NPLOC4: variants seen among roughly 807,000 people sequenced by gnomAD.
NPLOC4 encodes the protein NPL4 homolog, ubiquitin recognition factor.
NPLOC4 carries 18 observed loss-of-function variants against 80.6 expected under a neutral mutation model. The observed-to-expected ratio is 0.22, with a 90% CI of 0.15 to 0.33. The LOEUF is 0.33. Among genes scored for constraint, NPLOC4 ranks in the 10% least tolerant of loss-of-function variants. The pLI, the probability that NPLOC4 is intolerant of heterozygous loss-of-function variation, is 1.00. For synonymous variants in NPLOC4, 313 were observed against 301.5 expected (o/e 1.04, Z -0.39); for missense variants, 540 against 786.1 (o/e 0.69, Z 3.74).
In NPLOC4 at chr17:81,608,755, A is replaced by T; in HGVS notation, c.503T>A (p.Ile168Asn). 6.3e-7 allele frequency: 1 copy of T among 1,592,954 alleles called. No individual in the cohort carries two copies. Among genetic ancestry groups the T allele is most frequent in the Non-Finnish European group, 8.6e-7 (1 of 1,169,404 alleles). ...GTCAGCCCCTCCAGTCAGCTTCCGGATGTAGGCGTGGAAGGACATGTGCTT... is the reference window on the plus strand; with the variant it reads ...GTCAGCCCCTCCAGTCAGCTTCCGGTTGTAGGCGTGGAAGGACATGTGCTT... ...PVKHMSFHAY[I>N]RKLTGGADKG... Residue 168 changes from isoleucine to asparagine, a missense_variant, in exon 6 of 17, where the codon ATC becomes AAC. Physicochemically the swap from Ile to Asn is moderately radical, Grantham distance 149 (BLOSUM62 -3). Around this residue, in one of 6 missense-constraint regions of NPLOC4, gnomAD observed 61 missense variants for 156.7 expected, o/e 0.39. Coordinates refer to ENST00000331134, the MANE Select transcript of NPLOC4 (RefSeq NM_017921.4).
At chr17:81,609,497 A>C (rs2035287814) in intron 5 of NPLOC4, among the ~76,000 whole-genome samples, 2 of 152,120 alleles carry the variant, frequency 1.3e-5, no homozygotes, top group South Asian at 4.1e-4. Context: ...TTGTAGAGAC[A>C]GGGTATACAA....
chr17:81,605,243 T>C (rs1166158420), intron 7 of NPLOC4, among the ~76,000 whole-genome samples: 1 of 149,158 alleles, frequency 6.7e-6, no homozygotes, highest in Non-Finnish European at 1.5e-5. Flanking sequence ...ATGGCGCCAC[T>C]GCACTCCAGC....
intron 2 of NPLOC4, 61 bp downstream of exon 2, chr17:81,629,664 G>T: frequency 8.3e-7 from 1 of 1,200,956 alleles, no homozygotes; most frequent in Non-Finnish European, 1.2e-6. Flanking sequence ...AAAAGGTATC[G>T]ATGGCAGTAA....
intron 12 of NPLOC4, among the ~76,000 whole-genome samples, chr17:81,578,754 A>C (rs2034364864): frequency 1.3e-5 from 2 of 152,282 alleles, no homozygotes; most frequent in South Asian, 2.1e-4. Context: ...TCTCCACCTC[A>C]TCTCTCCTTG....
chr17:81,569,842 C>T (rs577064727), intron 13 of NPLOC4, among the ~76,000 whole-genome samples: 3 of 152,166 alleles, frequency 2.0e-5, no homozygotes, highest in Admixed American at 1.3e-4. Context: ...GCTACAGGGA[C>T]AGTGGTAAAT....
At chr17:81,576,454 C>T (rs892661192) in intron 12 of NPLOC4, among the ~76,000 whole-genome samples, 4 of 152,114 alleles carry the variant, frequency 2.6e-5, no homozygotes, top group Non-Finnish European at 5.9e-5. Context: ...TGGAAGGATC[C>T]ACTTTGGGGC....
chr17:81,632,061 C>T (rs796978290), intron 1 of NPLOC4, among the ~76,000 whole-genome samples: 7 of 151,330 alleles, frequency 4.6e-5, no homozygotes, highest in African/African-American at 7.3e-5. Flanking sequence ...CTGCAACCTC[C>T]GCCTCCCAGG....
At chr17:81,570,205 C>T (rs1598620826) in intron 13 of NPLOC4, among the ~76,000 whole-genome samples, 1 of 152,230 alleles carries the variant, frequency 6.6e-6, no homozygotes, top group African/African-American at 2.4e-5. Flanking sequence ...CATGAAGACT[C>T]GGGCCGCGGT....
In NPLOC4 at chr17:81,616,333, A is replaced by AAAAAAAAAAAAAC. The variant is rs780878214; in HGVS notation, c.210-2840_210-2839insGTTTTTTTTTTTT. ...AAGACTCTGTCTCAAAAAAAAAAAA[A>AAAAAAAAAAAAAC]AAAAAGAAAAGCAAAGCTGCTAAAT... is the stretch of plus-strand genomic sequence containing the variant. On this transcript the variant is annotated intron_variant, in intron 3 of 16. Coordinates refer to ENST00000331134, the MANE Select transcript of NPLOC4 (RefSeq NM_017921.4). 2.2e-4 allele frequency among the ~76,000 whole-genome samples: 26 copies of AAAAAAAAAAAAAC among 115,590 alleles called. 3 individuals carry two copies. The highest frequency in any genetic ancestry group is 3.8e-4 in the African/African-American group (11 of 29,016). The allele number at this position is 115,590 out of a possible 152,430, so 75.8% of individuals were successfully genotyped here.
At chr17:81,601,109 C>A (rs1278936982) in intron 8 of NPLOC4, among the ~76,000 whole-genome samples, 1 of 152,158 alleles carries the variant, frequency 6.6e-6, no homozygotes, top group Non-Finnish European at 1.5e-5. Context: ...CAGAGTGGAC[C>A]AAGCTTACCG....
chr17:81,602,857 T>C (rs533619217), intron 8 of NPLOC4, among the ~76,000 whole-genome samples: 1 of 151,610 alleles, frequency 6.6e-6, no homozygotes, highest in South Asian at 2.1e-4. Context: ...CTGGGTAACA[T>C]GGCGAGATCT....
At chr17:81,581,780 T>A (rs2034447160) in intron 12 of NPLOC4, among the ~76,000 whole-genome samples, 2 of 152,226 alleles carry the variant, frequency 1.3e-5, no homozygotes, top group Non-Finnish European at 2.9e-5. Context: ...ATAAAAGGAC[T>A]GGAGGCTGTG....
intron 8 of NPLOC4, among the ~76,000 whole-genome samples, chr17:81,603,737 C>A (rs143330142): frequency 6.6e-6 from 1 of 152,154 alleles, no homozygotes; most frequent in Non-Finnish European, 1.5e-5. Flanking sequence ...CCCATCAATT[C>A]ATTTTATTTT....
At chr17:81,609,543 C>G (rs1381816362) in intron 5 of NPLOC4, among the ~76,000 whole-genome samples, 1 of 152,188 alleles carries the variant, frequency 6.6e-6, no homozygotes, top group Non-Finnish European at 1.5e-5. Flanking sequence ...TTCCTAGGCT[C>G]AAATGATCCT....
At chr17:81,611,863 G>A (rs1248461322) in intron 4 of NPLOC4, among the ~76,000 whole-genome samples, 2 of 151,438 alleles carry the variant, frequency 1.3e-5, no homozygotes, top group East Asian at 2.0e-4. Context: ...GGGAGGCTGA[G>A]GCAGGAGAAT....
At position 81,617,251 on chromosome 17, in the gene NPLOC4, G is replaced by C. The variant is rs545707796; in HGVS notation, c.210-3757C>G. Among the ~76,000 whole-genome samples the C allele has an allele frequency of 5.4e-5, 8 of 147,826 alleles. No individual in the cohort carries two copies. In the South Asian group the frequency reaches 1.0e-3, roughly 19 times the overall value. On this transcript the variant is annotated intron_variant, in intron 3 of 16. Transcript: ENST00000331134. ...ACTTGAAGCCAACAGACAGATTTAG[G>C]GGGAAAAAAAATCAGATTACGTATT...
At position 81,577,821 on chromosome 17, in the gene NPLOC4, C is replaced by A. The variant is rs1648551750; in HGVS notation, c.1282-5733G>T. Among the ~76,000 whole-genome samples the A allele has an allele frequency of 1.3e-5, 2 of 152,188 alleles. No homozygotes were observed. Among genetic ancestry groups the A allele is most frequent in the Non-Finnish European group, 1.5e-5 (1 of 68,038 alleles). ...CTGCACACCTGCCAGGCCTCCAAAC[C>A]TCTCAGTCCCAGCACACCATCCTTG... On this transcript the variant is annotated intron_variant, in intron 12 of 16. Transcript: ENST00000331134. The surrounding 1 kb of genome is among the most constrained non-coding windows in gnomAD (Gnocchi z 4.3).
At chr17:81,619,201 T>TA (rs149822142) in intron 3 of NPLOC4, among the ~76,000 whole-genome samples, 3,401 of 138,232 alleles carry the variant, frequency 0.025, 121 homozygotes, top group African/African-American at 0.08. Context: ...AATGATCAAT[T>TA]AAAAAAAAAA....
At chr17:81,589,439 G>A (rs2034676198) in intron 11 of NPLOC4, among the ~76,000 whole-genome samples, 1 of 151,760 alleles carries the variant, frequency 6.6e-6, no homozygotes, top group South Asian at 2.1e-4. Context: ...TGAGGCAGGA[G>A]AATGGCGTGA....
Sources: gnomAD v4.1 joint callset for allele counts (sites outside exome capture counted in the v4.1 genomes callset) on GRCh38, gnomAD v4.1.1 for gene constraint, gnomAD v4.1.1 regional missense constraint, Gnocchi (gnomAD v3.1) non-coding constraint, MANE v1.5 for transcripts, NCBI Gene and HGNC (gene_info 2026-07-23, HGNC 2026-07-21) for gene names.